CFAP97: variants seen among roughly 807,000 people sequenced by gnomAD.
The protein encoded by CFAP97 is cilia and flagella associated protein 97.
In CFAP97, 36 loss-of-function variants were observed where a neutral mutation model predicts 43.1. The observed-to-expected ratio is 0.84, with a 90% CI of 0.64 to 1.10. CFAP97 has a LOEUF of 1.10. Among genes scored for constraint, CFAP97 ranks in the 50% least tolerant of loss-of-function variants. The pLI, the probability that CFAP97 is intolerant of heterozygous loss-of-function variation, is 0.00. For missense variants in CFAP97, 657 were observed against 620.3 expected (o/e 1.06, Z -0.63); for synonymous variants, 228 against 225.7 (o/e 1.01, Z -0.09).
At chr4:185,182,051 T>C (rs1735812718) in intron 2 of CFAP97, 3 of 152,224 alleles carry the variant, frequency 2.0e-5, no homozygotes, top group African/African-American at 7.2e-5. Context: ...ATACATCCTG[T>C]AGTGATTATT....
At chr4:185,194,020 C>T (rs529189783) in intron 1 of CFAP97, among the ~76,000 whole-genome samples, 5 of 152,306 alleles carry the variant, frequency 3.3e-5, no homozygotes, top group Admixed American at 1.3e-4. Flanking sequence ...TGTCCGTAAA[C>T]GAAATCTTGT....
chr4:185,194,952 G>C (rs1158851222), intron 1 of CFAP97, among the ~76,000 whole-genome samples: 2 of 152,086 alleles, frequency 1.3e-5, no homozygotes, highest in Admixed American at 6.6e-5. Flanking sequence ...CGAATCAATG[G>C]AGTCAGACAC....
At chr4:185,168,065 A>C (rs1419689282) in intron 3 of CFAP97, among the ~76,000 whole-genome samples, 1 of 151,442 alleles carries the variant, frequency 6.6e-6, no homozygotes, top group Non-Finnish European at 1.5e-5. Flanking sequence ...TGTATTTTCT[A>C]GTTGTTTGAC....
chr4:185,164,808 CAT>C (rs1560853146), intron 3 of CFAP97, among the ~76,000 whole-genome samples: 2 of 152,218 alleles, frequency 1.3e-5, no homozygotes, highest in Non-Finnish European at 2.9e-5. Context: ...CTGATTTTCT[CAT>C]AGACATGATG....
chr4:185,170,665 A>C (rs1003567167), intron 3 of CFAP97, among the ~76,000 whole-genome samples: 1 of 151,338 alleles, frequency 6.6e-6, no homozygotes, highest in Non-Finnish European at 1.5e-5. Flanking sequence ...CCACCACGCC[A>C]GCCTATTTTT....
At chr4:185,175,553 T>C (rs902004859) in intron 3 of CFAP97, among the ~76,000 whole-genome samples, 4 of 152,164 alleles carry the variant, frequency 2.6e-5, no homozygotes, top group African/African-American at 9.7e-5. Flanking sequence ...TAGAATTATA[T>C]GCGTGACCCA....
At chr4:185,163,986 T>C in intron 4 of CFAP97, 43 bp downstream of exon 4, 1 of 1,556,100 alleles carries the variant, frequency 6.4e-7, no homozygotes, top group South Asian at 1.2e-5. Context: ...AAAAAAAGGA[T>C]ACAAGATACA....
Position 185,190,252 on chromosome 4 carries a change from A to G in CFAP97, c.945T>C (p.His315=). 6.2e-7 allele frequency: 1 copy of G among 1,613,574 alleles called. No individual in the cohort carries two copies. Among genetic ancestry groups the G allele is most frequent in the Non-Finnish European group, 8.5e-7 (1 of 1,179,626 alleles). The change falls in exon 2 of 5, where the codon CAT becomes CAC. Residue 315 remains histidine, a synonymous_variant. Coordinates refer to ENST00000458385, the MANE Select transcript of CFAP97 (RefSeq NM_020827.3). The part of the protein sequence containing the change: ...LKAAKKGKEK[H]EPDVSSKSSS... ...ACGACTTTGAGGAGACATCAGGCTC[A>G]TGTTTTTCTTTCCCTTTTTTGGCTG...
rs1011632621 is a variant in CFAP97, at chr4:185,159,808, A to G, written c.*2990T>C. The stretch of plus-strand genomic sequence containing the variant: ...CTTTCCTCATAGAAATAAAGAAGCC[A>G]TAACTGTTAAGCACATTTTCTAAGA... On this transcript the variant is annotated 3_prime_UTR_variant, in exon 5 of 5. Transcript: ENST00000458385. 6.6e-6 allele frequency: 1 copy of G among 152,258 alleles called. No individual in the cohort carries two copies. Among genetic ancestry groups the G allele is most frequent in the Admixed American group, 6.5e-5 (1 of 15,284 alleles). 9.4% of individuals were successfully genotyped at this position (152,258 alleles called of 1,614,324 possible).
chr4:185,170,017 C>CA, intron 3 of CFAP97: 1 of 1,132,356 alleles, frequency 8.8e-7, no homozygotes, highest in Non-Finnish European at 1.1e-6. Context: ...CAATTTATCA[C>CA]AATCTCCCTT....
In CFAP97 at chr4:185,164,874, C is replaced by T. The variant is rs371360837; in HGVS notation, c.1321-695G>A. Among the ~76,000 whole-genome samples the T allele has an allele frequency of 3.0e-4, 45 of 152,312 alleles. 1 individual carries two copies. The South Asian group carries it at 9.1e-3, about 31-fold the overall frequency. Reference sequence around the variant, plus strand: ...GTGTTAGACCCTAGGAATGAGCACACACATATGGAAGCTACTACAGATTCT... The same window carrying T: ...GTGTTAGACCCTAGGAATGAGCACATACATATGGAAGCTACTACAGATTCT... On this transcript the variant is annotated intron_variant, in intron 3 of 4. Transcript: ENST00000458385.
intron 1 of CFAP97, among the ~76,000 whole-genome samples, chr4:185,196,809 G>T (rs555283128): frequency 6.6e-6 from 1 of 152,080 alleles, no homozygotes; most frequent in Non-Finnish European, 1.5e-5. Flanking sequence ...TTGAAGAAAT[G>T]TAGTTTAAGG....
chr4:185,174,109 T>C (rs1307232301), intron 3 of CFAP97, among the ~76,000 whole-genome samples: 1 of 152,212 alleles, frequency 6.6e-6, no homozygotes, highest in African/African-American at 2.4e-5. Context: ...TTTACTCTTC[T>C]GTAACTACAA....
intron 1 of CFAP97, among the ~76,000 whole-genome samples, chr4:185,192,771 C>T (rs376894764): frequency 7.5e-5 from 8 of 106,704 alleles, no homozygotes; most frequent in East Asian, 2.7e-4. Flanking sequence ...GACGGAGTCT[C>T]GCTCTGTCAC....
At chr4:185,200,168 G>C (rs1005062145) in intron 1 of CFAP97, among the ~76,000 whole-genome samples, 2 of 152,214 alleles carry the variant, frequency 1.3e-5, no homozygotes, top group African/African-American at 4.8e-5. Flanking sequence ...ATAACTTTAA[G>C]GGATTTAAGA....
intron 2 of CFAP97, 58 bp from the exon 3 acceptor site, chr4:185,176,109 C>CTTTTT (rs113459393): frequency 0.24 from 231,482 of 963,030 alleles, 12,720 homozygotes; most frequent in African/African-American, 0.33. Context: ...GTGGTACATG[C>CTTTTT]TTTTTTTTTT....
At chr4:185,188,225 G>A (rs1398512490) in intron 2 of CFAP97, among the ~76,000 whole-genome samples, 2 of 151,942 alleles carry the variant, frequency 1.3e-5, no homozygotes, top group South Asian at 2.1e-4. Flanking sequence ...ATAACATCCA[G>A]GGTTTCACTA....
intron 2 of CFAP97, among the ~76,000 whole-genome samples, chr4:185,186,855 T>G (rs968529130): frequency 6.6e-6 from 1 of 152,222 alleles, no homozygotes; most frequent in Non-Finnish European, 1.5e-5. Context: ...CAATAACTTT[T>G]ATGAATGTAA....
Position 185,175,907 on chromosome 4 carries a change from C to T in CFAP97, c.1199G>A (p.Arg400Lys), listed in dbSNP as rs769438192. 1 of 1,613,926 alleles carries T rather than the reference C, an allele frequency of 6.2e-7. No individual in the cohort carries two copies. The highest frequency in any genetic ancestry group is 8.5e-7 in the Non-Finnish European group (1 of 1,179,890). ...ENQRLLKELSRQAEKPGSKST... is the reference protein window; with the variant it reads ...ENQRLLKELSKQAEKPGSKST... ...TTTGCTTCCCGGCTTTTCCGCCTGT[C>T]TTGACAGTTCTTTCAAAAGCCTCTG... The change falls in exon 3 of 5, where the codon AGA becomes AAA. Residue 400 changes from arginine to lysine, a missense_variant. By Grantham distance (26) the Arg-to-Lys change is conservative (BLOSUM62 2). Transcript: ENST00000458385.
Sources: allele counts gnomAD v4.1 joint callset (sites outside exome capture counted in the v4.1 genomes callset), GRCh38; gene constraint gnomAD v4.1.1; transcripts MANE v1.5; gene names NCBI Gene and HGNC (gene_info 2026-07-23, HGNC 2026-07-21).